SLC49A3: variants seen among roughly 807,000 people sequenced by gnomAD.
SLC49A3 encodes solute carrier family 49 member 3.
SLC49A3 carries 50 observed loss-of-function variants against 43.8 expected under a neutral mutation model. That is an observed-to-expected ratio of 1.14 (90% CI 0.91 to 1.45). The LOEUF (loss-of-function observed/expected upper bound fraction) is 1.45, where lower values mean the gene tolerates loss of function less well. Ranked by LOEUF, SLC49A3 falls within the 40% of genes most tolerant of loss-of-function variation. SLC49A3 has a pLI of 0.00. For missense variants in SLC49A3, 906 were observed against 774.1 expected, an observed-to-expected ratio of 1.17 and a Z score of -2.02; for synonymous variants, 413 against 352.0, an observed-to-expected ratio of 1.17 and a Z score of -1.94.
chr4:679,294 C>T (rs1199154568), downstream of SLC49A3: 8 of 601,940 alleles, frequency 1.3e-5, no homozygotes, highest in African/African-American at 1.1e-4. Context: ...CAGCAGGCTC[C>T]AGGGAGGGGC....
downstream of SLC49A3, among the ~76,000 whole-genome samples, chr4:679,375 G>A (rs150889674): frequency 1.4e-5 from 2 of 148,094 alleles, no homozygotes; most frequent in South Asian, 2.1e-4. Flanking sequence ...GCTGACAGAG[G>A]GCATGGAGAC....
downstream of SLC49A3, chr4:678,678 G>A (rs752011429): frequency 6.2e-6 from 10 of 1,610,432 alleles, no homozygotes; most frequent in Admixed American, 5.0e-5. Flanking sequence ...AGACCAAGAA[G>A]AAGGAAGGGG....
At chr4:677,920 A>G (rs1739007776), downstream of SLC49A3, 2 of 1,591,378 alleles carry the variant, frequency 1.3e-6, no homozygotes, top group African/African-American at 2.7e-5. Context: ...CTGTCCTTGT[A>G]GGGAGTGGCA....
At chr4:688,576 G>T (rs1158631749) in intron 1 of SLC49A3, among the ~76,000 whole-genome samples, 1 of 152,176 alleles carries the variant, frequency 6.6e-6, no homozygotes, top group Non-Finnish European at 1.5e-5. Context: ...CCCAGCCCAG[G>T]AGCCGCCCCT....
At chr4:688,944 C>A in intron 1 of SLC49A3, 49 bp downstream of exon 1, 1 of 1,562,828 alleles carries the variant, frequency 6.4e-7, no homozygotes, top group Non-Finnish European at 8.6e-7. Context: ...CCCGGCTGGT[C>A]CGAGGGACTG....
downstream of SLC49A3, chr4:681,146 GC>G: frequency 6.2e-7 from 1 of 1,603,272 alleles, no homozygotes; most frequent in Non-Finnish European, 8.5e-7. Context: ...AAGAGGTCTG[GC>G]CCGCGGCTTC....
downstream of SLC49A3, chr4:679,106 G>T (rs754502735): frequency 6.2e-5 from 79 of 1,270,046 alleles, no homozygotes; most frequent in Non-Finnish European, 8.3e-5. Context: ...TCCAGACGCC[G>T]CGGCCCCTCC....
chr4:679,788 A>G (rs1739258916), downstream of SLC49A3: 2 of 729,298 alleles, frequency 2.7e-6, no homozygotes, highest in African/African-American at 3.6e-5. Context: ...GCCTGGGCCA[A>G]GCGTCTCCTT....
chr4:688,973 G>C lies in SLC49A3; in HGVS notation c.135+20C>G, dbSNP rs1478576881. ...GGGACTGAGGGTCCCGGAGCCACCT[G>C]TCCCCGCCCCTGCCCCTACCGTGGC... On this transcript the variant is annotated intron_variant, in intron 1 of 9. Coordinates refer to ENST00000322224, the MANE Select transcript of SLC49A3 (RefSeq NM_032219.4). 1 of 1,584,086 alleles carries C rather than the reference G, an allele frequency of 6.3e-7. No homozygotes were observed. The highest frequency in any genetic ancestry group is 1.4e-5 in the African/African-American group (1 of 72,186).
At chr4:680,020 T>G, downstream of SLC49A3, 1 of 1,609,168 alleles carries the variant, frequency 6.2e-7, no homozygotes. Context: ...AGCTGAGCGG[T>G]GAGCACCGGT....
intron 1 of SLC49A3, among the ~76,000 whole-genome samples, chr4:687,067 G>A (rs1396193549): frequency 6.6e-6 from 1 of 152,202 alleles, no homozygotes; most frequent in Admixed American, 6.5e-5. Context: ...CCCACCCAAG[G>A]CCAGCCTGAC....
At chr4:690,799 G>A (rs1004948984), upstream of SLC49A3, among the ~76,000 whole-genome samples, 3 of 152,208 alleles carry the variant, frequency 2.0e-5, no homozygotes, top group African/African-American at 7.2e-5. Context: ...CCTACATGTC[G>A]GAACTCTTGG....
At position 682,458 on chromosome 4, in the gene SLC49A3, C is replaced by T. The variant is rs989289270; in HGVS notation, c.1262-82G>A. 4 of 1,262,614 alleles carry T rather than the reference C, an allele frequency of 3.2e-6. No individual in the cohort carries two copies. The African/African-American group carries it at 6.1e-5, about 19-fold the overall frequency. The allele number at this position is 1,262,614 out of a possible 1,614,324, so 78.2% of individuals were successfully genotyped here. The stretch of plus-strand genomic sequence containing the variant: ...AGAGCCCAATGCTGGCCTATGGTGA[C>T]CCCACTACCCTTGACCACAGAGTGA... On this transcript the variant is annotated intron_variant, in intron 9 of 9. Transcript: ENST00000322224.
rs768396848 is a variant in SLC49A3, at chr4:683,619, G to A, written c.983C>T (p.Pro328Leu). The A allele has an allele frequency of 1.1e-5, 18 of 1,611,452 alleles. No individual in the cohort carries two copies. The highest frequency in any genetic ancestry group is 1.4e-5 in the Non-Finnish European group (17 of 1,179,242). Residue 328 changes from proline to leucine, a missense_variant, in exon 7 of 10, where the codon CCC becomes CTC. Transcript: ENST00000322224. ...TGAGGAGACCCTCACCAGGGCAAAGGGCACGCAGGCCAGAGAGAACAGGCA... is the reference window on the plus strand; with the variant it reads ...TGAGGAGACCCTCACCAGGGCAAAGAGCACGCAGGCCAGAGAGAACAGGCA... Reference protein sequence around the residue: ...GLCLFSLACVPFALVSQLQGQ... With the variant: ...GLCLFSLACVLFALVSQLQGQ...
chr4:688,498 G>A (rs184207766), intron 1 of SLC49A3, among the ~76,000 whole-genome samples: 36 of 152,326 alleles, frequency 2.4e-4, no homozygotes, highest in Admixed American at 9.8e-4. Flanking sequence ...TGGCTGATGA[G>A]GGCACACAGG....
At position 689,045 on chromosome 4, in the gene SLC49A3, C is replaced by G; in HGVS notation, c.83G>C (p.Arg28Pro). The G allele has an allele frequency of 6.3e-7, 1 of 1,587,514 alleles. No homozygotes were observed. Among genetic ancestry groups the G allele is most frequent in the East Asian group, 2.4e-5 (1 of 41,058 alleles). ...CAQRGHRTYA[R>P]RWVFLLAISL... ...GATCGCGAGCAGGAACACCCAGCGG[C>G]GCGCGTAGGTGCGGTGGCCCCGCTG... The change falls in exon 1 of 10, where the codon CGC becomes CCC. Residue 28 changes from arginine (R) to proline (P), a missense_variant. By Grantham distance (103) the Arg-to-Pro change is moderately radical (BLOSUM62 -2). Transcript: ENST00000322224.
chr4:681,914 G>A lies in SLC49A3; in HGVS notation c.*44C>T, dbSNP rs759762021. 8 of 1,318,832 alleles carry A rather than the reference G, an allele frequency of 6.1e-6. No homozygotes were observed. Among genetic ancestry groups the A allele is most frequent in the Non-Finnish European group, 6.8e-6 (7 of 1,024,128 alleles). The allele number at this position is 1,318,832 out of a possible 1,614,324, so 81.7% of individuals were successfully genotyped here. The stretch of plus-strand genomic sequence containing the variant: ...GCAGGTGGACCAGATGTTCCAGTTC[G>A]CCTCCATCGATGTGGCGGGCAACCT... On this transcript the variant is annotated 3_prime_UTR_variant, in exon 10 of 10. Transcript: ENST00000322224.
intron 1 of SLC49A3, 79 bp downstream of exon 1, chr4:688,914 G>C (rs1268141709): frequency 6.0e-6 from 9 of 1,504,910 alleles, no homozygotes; most frequent in Non-Finnish European, 7.9e-6. Context: ...ACCTCGGGCT[G>C]TGGCCACAGG....
Position 682,907 on chromosome 4 carries a change from C to T in SLC49A3, c.1152-17G>A. 1.3e-6 allele frequency: 2 copies of T among 1,566,292 alleles called. No homozygotes were observed. Among genetic ancestry groups the T allele is most frequent in the Non-Finnish European group, 8.7e-7 (1 of 1,151,594 alleles). ...TCGGCCTGCCTGGACACACGTGGCC[C>T]TCAGCCCCCGCTGCACTGCCCACCC... On this transcript the variant is annotated splice_polypyrimidine_tract_variant and intron_variant, in intron 8 of 9. Coordinates refer to ENST00000322224, the MANE Select transcript of SLC49A3 (RefSeq NM_032219.4).
Sources: allele counts gnomAD v4.1 joint callset (sites outside exome capture counted in the v4.1 genomes callset), GRCh38; gene constraint gnomAD v4.1.1; transcripts MANE v1.5; gene names NCBI Gene and HGNC (gene_info 2026-07-23, HGNC 2026-07-21).